The following SLC25A16 variants were observed in gnomAD, a reference collection of about 807,000 sequenced individuals.
SLC25A16 encodes solute carrier family 25 member 16.
SLC25A16 carries 39 observed loss-of-function variants against 41.5 expected under a neutral mutation model. The ratio of observed to expected loss-of-function variants is 0.94; its 90% CI spans 0.73 to 1.23. The LOEUF is 1.23. Ranked by LOEUF, SLC25A16 falls within the 50% of genes most tolerant of loss-of-function variation. The probability of loss-of-function intolerance (pLI) is 0.00; values close to 1 mark genes in which losing one functional copy is unlikely to be tolerated. For synonymous variants in SLC25A16, 146 were observed against 147.8 expected (o/e 0.99, Z 0.09); for missense variants, 421 against 426.9 (o/e 0.99, Z 0.12).
chr10:68,483,284 TA>T lies in SLC25A16; in HGVS notation c.*147del. 1.7e-6 allele frequency: 1 copy of T among 572,072 alleles called. No individual in the cohort carries two copies. The highest frequency in any genetic ancestry group is 3.0e-6 in the Non-Finnish European group (1 of 330,164). The allele number at this position is 572,072 out of a possible 1,614,324, so 35.4% of individuals were successfully genotyped here. A position where few individuals can be genotyped will look rare whatever the true frequency, so the allele number is the denominator to read the frequency against. On this transcript the variant is annotated 3_prime_UTR_variant, in exon 9 of 9. Transcript: ENST00000609923. ...ATGGTAAGCAGTTCTGATTTGTGAC[TA>T]AAGAAAAAATAATCAAGTACTAAAA...
chr10:68,507,942 G>T (rs189716739), intron 2 of SLC25A16, among the ~76,000 whole-genome samples: 42 of 152,246 alleles, frequency 2.8e-4, no homozygotes, highest in African/African-American at 8.2e-4. Flanking sequence ...CTGGTAAGAA[G>T]AATTCTGGCC....
chr10:68,514,096 G>A (rs2053116748), intron 2 of SLC25A16, among the ~76,000 whole-genome samples: 2 of 152,258 alleles, frequency 1.3e-5, no homozygotes, highest in South Asian at 4.1e-4. Context: ...ATGAGGCTGA[G>A]GCATGAGAAT....
intron 2 of SLC25A16, among the ~76,000 whole-genome samples, chr10:68,509,172 C>T (rs1387017993): frequency 6.6e-6 from 1 of 151,666 alleles, no homozygotes; most frequent in East Asian, 2.0e-4. Context: ...CCCTGTCTCT[C>T]CTAAAAATAC....
At chr10:68,511,293 T>G (rs1031256640) in intron 2 of SLC25A16, among the ~76,000 whole-genome samples, 1 of 152,196 alleles carries the variant, frequency 6.6e-6, no homozygotes, top group African/African-American at 2.4e-5. Flanking sequence ...TTTATTTTTT[T>G]GAGGGGGCTC....
chr10:68,506,159 G>C (rs551180098), intron 3 of SLC25A16, among the ~76,000 whole-genome samples: 14 of 152,246 alleles, frequency 9.2e-5, no homozygotes, highest in African/African-American at 3.4e-4. Context: ...CCTTTAAAAA[G>C]GCATTGCTAT....
chr10:68,516,188 G>C (rs758668301), intron 2 of SLC25A16, among the ~76,000 whole-genome samples: 4 of 152,122 alleles, frequency 2.6e-5, no homozygotes, highest in Non-Finnish European at 5.9e-5. Flanking sequence ...CTCGCCAGCA[G>C]TTTTGCCACG....
intron 2 of SLC25A16, among the ~76,000 whole-genome samples, chr10:68,515,929 A>G (rs1380995069): frequency 6.6e-6 from 1 of 152,224 alleles, no homozygotes; most frequent in Non-Finnish European, 1.5e-5. Flanking sequence ...GATTTGGGCT[A>G]GGAAAATATC....
chr10:68,520,204 G>A (rs1204697664), intron 1 of SLC25A16, among the ~76,000 whole-genome samples: 3 of 150,308 alleles, frequency 2.0e-5, no homozygotes, highest in South Asian at 2.2e-4. Context: ...TCATCCACCC[G>A]CCTCTACCTC....
At chr10:68,497,967 C>T (rs532972237) in intron 4 of SLC25A16, among the ~76,000 whole-genome samples, 1 of 152,062 alleles carries the variant, frequency 6.6e-6, no homozygotes, top group South Asian at 2.1e-4. Flanking sequence ...TCTTGAATTC[C>T]TGGGCTCAAG....
intron 8 of SLC25A16, 22 bp downstream of exon 8, chr10:68,487,122 C>T: frequency 6.3e-7 from 1 of 1,590,196 alleles, no homozygotes; most frequent in Non-Finnish European, 8.6e-7. Flanking sequence ...AGAAAATGAA[C>T]AATGACATAT....
In SLC25A16 at chr10:68,478,521, T is replaced by C. The variant is rs572411365; in HGVS notation, c.*4911A>G. 28 of 151,998 alleles carry C rather than the reference T, an allele frequency of 1.8e-4. No individual in the cohort carries two copies. The highest frequency in any genetic ancestry group is 6.7e-4 in the African/African-American group (28 of 41,496). 9.4% of individuals were successfully genotyped at this position (151,998 alleles called of 1,614,324 possible). A position where few individuals can be genotyped will look rare whatever the true frequency, so the allele number is the denominator to read the frequency against. ...TCCTTGGGGAAAAAAAATAAATAAT[T>C]ATACATAGGGTTTTTTAAAAAAACA... On this transcript the variant is annotated 3_prime_UTR_variant, in exon 9 of 9. Transcript: ENST00000609923.
chr10:68,511,060 T>C (rs1348437137), intron 2 of SLC25A16, among the ~76,000 whole-genome samples: 1 of 151,912 alleles, frequency 6.6e-6, no homozygotes, highest in East Asian at 1.9e-4. Context: ...AACACAGTGA[T>C]ACCCCGTCTG....
chr10:68,496,519 G>T, intron 4 of SLC25A16: 2 of 984,790 alleles, frequency 2.0e-6, no homozygotes, highest in South Asian at 4.7e-5. Context: ...TTACCTACCA[G>T]GAAGCAATGA....
chr10:68,506,304 G>T (rs936372822), intron 3 of SLC25A16, among the ~76,000 whole-genome samples: 4 of 151,986 alleles, frequency 2.6e-5, no homozygotes, highest in Non-Finnish European at 5.9e-5. Context: ...AATTAGCCAG[G>T]CATGGTGGCA....
Position 68,521,582 on chromosome 10 carries a change from C to CT in SLC25A16, c.131-4740dup, listed in dbSNP as rs757080265. Among the ~76,000 whole-genome samples, 53 of 110,300 alleles carry CT rather than the reference C, an allele frequency of 4.8e-4. 2 individuals carry two copies. Among genetic ancestry groups the CT allele is most frequent in the African/African-American group, 1.8e-3 (51 of 28,248 alleles). The allele number at this position is 110,300 out of a possible 152,430, so 72.4% of individuals were successfully genotyped here. A position where few individuals can be genotyped will look rare whatever the true frequency, so the allele number is the denominator to read the frequency against. ...TGGTGCAGTGGGTCATGCCTGTAAT[C>CT]TTTTTTTTTTTTTTTTTTTTTTTTT... On this transcript the variant is annotated intron_variant, in intron 1 of 8. Transcript: ENST00000609923.
chr10:68,508,102 G>A (rs915354495), intron 2 of SLC25A16, among the ~76,000 whole-genome samples: 1 of 151,920 alleles, frequency 6.6e-6, no homozygotes, highest in Admixed American at 6.6e-5. Context: ...ATGGTGTCGT[G>A]CGCCTGTAAT....
chr10:68,490,620 G>A (rs992510512), intron 6 of SLC25A16, among the ~76,000 whole-genome samples: 3 of 151,834 alleles, frequency 2.0e-5, no homozygotes, highest in African/African-American at 7.3e-5. Flanking sequence ...GGGATTACAG[G>A]TGTGAGCCAC....
Position 68,512,433 on chromosome 10 carries a change from C to T in SLC25A16, c.223+4318G>A, listed in dbSNP as rs1008120445. 2.2e-5 allele frequency among the ~76,000 whole-genome samples: 2 copies of T among 90,896 alleles called. 1 individual carries two copies. Among genetic ancestry groups the T allele is most frequent in the South Asian group, 9.2e-4 (2 of 2,174 alleles). 59.6% of individuals were successfully genotyped at this position (90,896 alleles called of 152,430 possible). On this transcript the variant is annotated intron_variant, in intron 2 of 8. Transcript: ENST00000609923. The stretch of plus-strand genomic sequence containing the variant: ...CGGGCGGATCACGAGGTCAGGAGAT[C>T]GAGACCATCCCGGCTAAAACGGTGA...
chr10:68,503,792 A>T, intron 3 of SLC25A16, 97 bp from the exon 4 acceptor site: 3 of 758,334 alleles, frequency 4.0e-6, no homozygotes, highest in Non-Finnish European at 4.5e-6. Flanking sequence ...TTACAGGACT[A>T]ATAAAAAGGA....
Sources: gnomAD v4.1 joint callset for allele counts (sites outside exome capture counted in the v4.1 genomes callset) on GRCh38, gnomAD v4.1.1 for gene constraint, MANE v1.5 for transcripts, NCBI Gene and HGNC (gene_info 2026-07-23, HGNC 2026-07-21) for gene names.